The following UGT2B4 variants were observed in gnomAD, a reference collection of about 807,000 sequenced individuals.
UGT2B4 encodes UDP-glucuronosyltransferase 2B4.
Under a neutral mutation model 49.8 loss-of-function variants are expected in UGT2B4, and 49 were observed. The observed-to-expected ratio is 0.98, with a 90% CI of 0.78 to 1.25. UGT2B4 has a LOEUF of 1.25. Among genes scored for constraint, UGT2B4 ranks in the 50% most tolerant of loss-of-function variants. The pLI, the probability that UGT2B4 is intolerant of heterozygous loss-of-function variation, is 0.00. For missense variants in UGT2B4, 729 were observed against 627.7 expected (o/e 1.16, Z -1.73); for synonymous variants, 246 against 217.7 (o/e 1.13, Z -1.14).
chr4:69,518,764 G>A (rs976967755), intron 1 of UGT2B4, among the ~76,000 whole-genome samples: 1 of 152,086 alleles, frequency 6.6e-6, no homozygotes, highest in African/African-American at 2.4e-5. Flanking sequence ...TGGCTTAGGG[G>A]AATACTGTTT....
At chr4:69,506,923 C>A (rs2331749) in intron 1 of UGT2B4, among the ~76,000 whole-genome samples, 2 of 152,008 alleles carry the variant, frequency 1.3e-5, no homozygotes, top group African/African-American at 4.8e-5. Context: ...ACTCAGCCTA[C>A]GGAAATAAAT....
At position 69,480,591 on chromosome 4, in the gene UGT2B4, G is replaced by C. The variant is rs746357168; in HGVS notation, c.*43C>G. 6.3e-7 allele frequency: 1 copy of C among 1,593,046 alleles called. No individual in the cohort carries two copies. The highest frequency in any genetic ancestry group is 1.7e-5 in the Admixed American group (1 of 58,218). On this transcript the variant is annotated 3_prime_UTR_variant, in exon 6 of 6. Coordinates refer to ENST00000305107, the MANE Select transcript of UGT2B4 (RefSeq NM_021139.3). Reference sequence around the variant, plus strand: ...GTCTTCTTGTTGTAATAAACTAAAGGAGTTCATTTATTGGGTTTCCCAGCT... The same window carrying C: ...GTCTTCTTGTTGTAATAAACTAAAGCAGTTCATTTATTGGGTTTCCCAGCT...
At chr4:69,490,431 A>G (rs1382155297) in intron 2 of UGT2B4, among the ~76,000 whole-genome samples, 1 of 152,102 alleles carries the variant, frequency 6.6e-6, no homozygotes, top group Non-Finnish European at 1.5e-5. Flanking sequence ...CAGCACTTGC[A>G]CCAGAATGCG....
chr4:69,521,975 C>CTA (rs1728859912), intron 1 of UGT2B4, among the ~76,000 whole-genome samples: 1 of 152,134 alleles, frequency 6.6e-6, no homozygotes, highest in Non-Finnish European at 1.5e-5. Context: ...AGCAAGAAGA[C>CTA]TATAACACTG....
At chr4:69,502,087 C>CTTTCTT (rs780839341) in intron 1 of UGT2B4, among the ~76,000 whole-genome samples, 77 of 38,348 alleles carry the variant, frequency 2.0e-3, no homozygotes, top group African/African-American at 7.5e-3. Context: ...TTCTTTCTTT[C>CTTTCTT]TCTCTCTTTC....
rs536992232 is a variant in UGT2B4 at position 69,511,843 on chromosome 4, T to C, written c.-106+13844A>G. On this transcript the variant is annotated intron_variant, in intron 1 of 1. Transcript: ENST00000510114. Reference sequence around the variant, plus strand: ...ACTAATTCAATCTCCTTATTCATTATTGTTAGGTTCTGAAAATATATTTAT... The same window carrying C: ...ACTAATTCAATCTCCTTATTCATTACTGTTAGGTTCTGAAAATATATTTAT... 3.9e-5 allele frequency among the ~76,000 whole-genome samples: 6 copies of C among 152,270 alleles called. No individual in the cohort carries two copies. The East Asian group carries it at 5.8e-4, about 15-fold the overall frequency.
Position 69,480,270 on chromosome 4 carries a change from T to C in UGT2B4, c.*364A>G, listed in dbSNP as rs1373193267. On this transcript the variant is annotated 3_prime_UTR_variant, in exon 6 of 6. Transcript: ENST00000305107. Reference sequence around the variant, plus strand: ...AGTATTTGCAAAACAGTACTGATACTGTCAGTGGACTTCTTAATGTTCTTG... The same window carrying C: ...AGTATTTGCAAAACAGTACTGATACCGTCAGTGGACTTCTTAATGTTCTTG... 1 of 204,538 alleles carries C rather than the reference T, an allele frequency of 4.9e-6. No individual in the cohort carries two copies. The highest frequency in any genetic ancestry group is 1.2e-4 in the East Asian group (1 of 8,182). The allele number at this position is 204,538 out of a possible 1,614,324, so 12.7% of individuals were successfully genotyped here. A position where few individuals can be genotyped will look rare whatever the true frequency, so the allele number is the denominator to read the frequency against.
intron 3 of UGT2B4, among the ~76,000 whole-genome samples, chr4:69,488,710 G>A (rs544006316): frequency 2.6e-5 from 4 of 151,822 alleles, no homozygotes; most frequent in Non-Finnish European, 4.4e-5. Context: ...GTCCTTGTGG[G>A]GCCACATTTT....
At chr4:69,500,483 A>G (rs1728271853), upstream of UGT2B4, among the ~76,000 whole-genome samples, 1 of 149,218 alleles carries the variant, frequency 6.7e-6, no homozygotes, top group Admixed American at 6.8e-5. Flanking sequence ...AAGGAAGAAA[A>G]GAAAGAAAGC....
chr4:69,486,284 C>T (rs1391555032), intron 4 of UGT2B4, among the ~76,000 whole-genome samples: 1 of 151,994 alleles, frequency 6.6e-6, no homozygotes, highest in Non-Finnish European at 1.5e-5. Flanking sequence ...TTTGAAATAA[C>T]CCTACAGAGG....
chr4:69,498,454 C>T (rs1728221777), upstream of UGT2B4, among the ~76,000 whole-genome samples: 2 of 150,932 alleles, frequency 1.3e-5, no homozygotes, highest in African/African-American at 2.4e-5. Flanking sequence ...GCAACTGATA[C>T]ACAGAGAATG....
At chr4:69,521,448 G>C (rs536797101) in intron 1 of UGT2B4, among the ~76,000 whole-genome samples, 1 of 152,196 alleles carries the variant, frequency 6.6e-6, no homozygotes, top group South Asian at 2.1e-4. Flanking sequence ...AGCAGAAGCT[G>C]TGTGCAGTAC....
intron 1 of UGT2B4, among the ~76,000 whole-genome samples, chr4:69,501,268 C>A (rs1481362320): frequency 6.6e-6 from 1 of 152,006 alleles, no homozygotes; most frequent in Non-Finnish European, 1.5e-5. Context: ...GGAAGGAATC[C>A]CTCAGCTGTT....
Position 69,480,564 on chromosome 4 carries a change from A to G in UGT2B4, c.*70T>C. On this transcript the variant is annotated 3_prime_UTR_variant, in exon 6 of 6. Coordinates refer to ENST00000305107, the MANE Select transcript of UGT2B4 (RefSeq NM_021139.3). ...GAAGAAAGGAATCTCTTGTATCACA[A>G]CGTCTTCTTGTTGTAATAAACTAAA... The G allele has an allele frequency of 1.3e-6, 2 of 1,538,202 alleles. No individual in the cohort carries two copies. Among genetic ancestry groups the G allele is most frequent in the Non-Finnish European group, 1.7e-6 (2 of 1,143,602 alleles).
At position 69,495,275 on chromosome 4, in the gene UGT2B4, A is replaced by G. The variant is rs1728116794; in HGVS notation, c.587T>C (p.Val196Ala). 5 of 1,613,544 alleles carry G rather than the reference A, an allele frequency of 3.1e-6. No homozygotes were observed. The highest frequency in any genetic ancestry group is 4.2e-6 in the Non-Finnish European group (5 of 1,179,772). ...GLLFPPSYVP[V>A]VMSELSDQMT... is the part of the protein sequence containing the mutation. ...TTGGTCACTTAGTTCTGACATAACA[A>G]CAGGCACATAGGAAGGAGGGAACAG... The change falls in exon 1 of 6, where the codon GTT (valine) becomes GCT (alanine). Residue 196 changes from valine (V) to alanine (A), a missense_variant. Physicochemically the swap from Val to Ala is moderately conservative, Grantham distance 64. Transcript: ENST00000305107.
rs116011211 is a variant in UGT2B4 at position 69,515,368 on chromosome 4, T to C, written c.-106+10319A>G. Among the ~76,000 whole-genome samples, 947 of 152,176 alleles carry C rather than the reference T, an allele frequency of 6.2e-3. 8 individuals carry two copies. The highest frequency in any genetic ancestry group is 0.022 in the African/African-American group (896 of 41,526). On this transcript the variant is annotated intron_variant, in intron 1 of 1. Transcript: ENST00000510114. ...ACTAAAGATTAAGAAATTCACTAAATCCACACCAACATATGGAAATTGAAA... is the reference window on the plus strand; with the variant it reads ...ACTAAAGATTAAGAAATTCACTAAACCCACACCAACATATGGAAATTGAAA...
rs969576747 is a variant in UGT2B4 at position 69,480,504 on chromosome 4, T to C, written c.*130A>G. On this transcript the variant is annotated 3_prime_UTR_variant, in exon 6 of 6. Transcript: ENST00000305107. ...ACAGGTACTAAAACAAATTTTGACTTGACAAGGTAAGTTTTGAAAGATGTT... is the reference window on the plus strand; with the variant it reads ...ACAGGTACTAAAACAAATTTTGACTCGACAAGGTAAGTTTTGAAAGATGTT... 9 of 1,430,216 alleles carry C rather than the reference T, an allele frequency of 6.3e-6. No homozygotes were observed. The African/African-American group carries it at 7.2e-5, about 11-fold the overall frequency. The allele number at this position is 1,430,216 out of a possible 1,614,324, so 88.6% of individuals were successfully genotyped here. A position where few individuals can be genotyped will look rare whatever the true frequency, so the allele number is the denominator to read the frequency against.
At chr4:69,486,584 C>A in intron 4 of UGT2B4, 25 bp downstream of exon 4, 1 of 1,457,218 alleles carries the variant, frequency 6.9e-7, no homozygotes, top group Non-Finnish European at 9.4e-7. Context: ...CTAATATATT[C>A]AGTATTTGTT....
In UGT2B4 at chr4:69,495,408, C is replaced by G. The variant is rs372683120; in HGVS notation, c.454G>C (p.Ala152Pro). Residue 152 changes from alanine to proline, a missense_variant, in exon 1 of 6, where the codon GCT becomes CCT. Ala to Pro is a conservative substitution (Grantham distance 27). Transcript: ENST00000305107. ...ESRFDVVLAD[A>P]VFPFGELLAE... Reference sequence around the variant, plus strand: ...AGCAGCTCACCAAAGGGGAAAACAGCATCTGCAAGAACAACATCAAATCTT... The same window carrying G: ...AGCAGCTCACCAAAGGGGAAAACAGGATCTGCAAGAACAACATCAAATCTT... 6.2e-7 allele frequency: 1 copy of G among 1,613,974 alleles called. No individual in the cohort carries two copies. Among genetic ancestry groups the G allele is most frequent in the Admixed American group, 1.7e-5 (1 of 59,958 alleles).
Sources: gnomAD v4.1 joint callset for allele counts (sites outside exome capture counted in the v4.1 genomes callset) on GRCh38, gnomAD v4.1.1 for gene constraint, MANE v1.5 for transcripts, NCBI Gene and HGNC (gene_info 2026-07-23, HGNC 2026-07-21) for gene names.